The following PREX1 variants were observed in gnomAD, a reference collection of about 807,000 sequenced individuals.
The protein encoded by PREX1 is phosphatidylinositol-3,4,5-trisphosphate dependent Rac exchange factor 1, also known as phosphatidylinositol 3,4,5-trisphosphate-dependent Rac exchanger 1 protein.
A neutral mutation model predicts 198.3 loss-of-function variants in PREX1; 41 were observed. The ratio of observed to expected loss-of-function variants is 0.21; its 90% CI spans 0.16 to 0.27. The LOEUF (loss-of-function observed/expected upper bound fraction) is 0.27. Among genes scored for constraint, PREX1 ranks in the 10% least tolerant of loss-of-function variants. The pLI, the probability that PREX1 is intolerant of heterozygous loss-of-function variation, is 1.00. For synonymous variants in PREX1, 843 were observed against 887.2 expected (o/e 0.95, Z 0.89); for missense variants, 1,620 against 2,200.7 (o/e 0.74, Z 5.28).
chr20:48,653,306 A>G (rs2089515081), intron 20 of PREX1, 55 bp downstream of exon 20: 1 of 1,591,138 alleles, frequency 6.3e-7, no homozygotes, highest in South Asian at 1.1e-5. Flanking sequence ...GCCCTCAGCC[A>G]CCCACCCCCA....
At chr20:48,720,769 C>T (rs1462538504) in intron 5 of PREX1, among the ~76,000 whole-genome samples, 2 of 151,892 alleles carry the variant, frequency 1.3e-5, no homozygotes, top group Non-Finnish European at 2.9e-5. Context: ...CTCAGTCCAT[C>T]CCAGGAGCGC....
intron 11 of PREX1, among the ~76,000 whole-genome samples, chr20:48,679,975 CCTG>C (rs2089738309): frequency 6.6e-6 from 1 of 152,198 alleles, no homozygotes; most frequent in South Asian, 2.1e-4. Context: ...ACCCCATCCT[CCTG>C]CTACGTGCAG....
intron 1 of PREX1, among the ~76,000 whole-genome samples, chr20:48,814,638 C>T (rs1002966439): frequency 6.6e-6 from 1 of 152,178 alleles, no homozygotes. Context: ...AGCTGGATCA[C>T]ATAATACCTT....
chr20:48,836,493 G>A, the PREX1 span, among the ~76,000 whole-genome samples: 1 of 152,182 alleles, frequency 6.6e-6, no homozygotes, highest in African/African-American at 2.4e-5. Flanking sequence ...GGACTCTCCT[G>A]TGATCTCATT....
At chr20:48,769,253 C>A (rs373949999) in intron 1 of PREX1, among the ~76,000 whole-genome samples, 31 of 152,042 alleles carry the variant, frequency 2.0e-4, no homozygotes, top group African/African-American at 7.2e-4. Context: ...GGTTCTGAAG[C>A]AAAGAGGCTG....
chr20:48,708,383 G>A lies in PREX1; in HGVS notation c.660C>T (p.His220=), dbSNP rs768576682. The A allele has an allele frequency of 2.5e-6, 4 of 1,614,192 alleles. No individual in the cohort carries two copies. Among genetic ancestry groups the A allele is most frequent in the Non-Finnish European group, 3.4e-6 (4 of 1,180,044 alleles). The change falls in exon 6 of 40, where the codon CAC becomes CAT. Residue 220 remains histidine, a synonymous_variant. Coordinates refer to ENST00000371941, the MANE Select transcript of PREX1 (RefSeq NM_020820.4). Reference sequence around the variant, plus strand: ...CCTGCAGGGCACTCTGGACCGCGGGGTGGTCTGGGTGCTTGCCGGGAGTCC... The same window carrying A: ...CCTGCAGGGCACTCTGGACCGCGGGATGGTCTGGGTGCTTGCCGGGAGTCC... ...AKRTPGKHPD[H]PAVQSALQAM...
intron 1 of PREX1, among the ~76,000 whole-genome samples, chr20:48,773,256 G>A (rs1601127025): frequency 9.3e-6 from 1 of 107,584 alleles, no homozygotes; most frequent in East Asian, 2.9e-4. Flanking sequence ...GATAGAGTGA[G>A]ACTTGGTCTC....
intron 5 of PREX1, among the ~76,000 whole-genome samples, chr20:48,711,872 T>A (rs1340037320): frequency 6.6e-6 from 1 of 152,164 alleles, no homozygotes; most frequent in Non-Finnish European, 1.5e-5. Flanking sequence ...GTTTCCCTTC[T>A]CCTTTCCCTC....
Position 48,652,708 on chromosome 20 carries a change from T to C in PREX1, c.2347-2A>G. 6.2e-7 allele frequency: 1 copy of C among 1,610,870 alleles called. No homozygotes were observed. The highest frequency in any genetic ancestry group is 8.5e-7 in the Non-Finnish European group (1 of 1,178,250). On this transcript the variant is annotated splice_acceptor_variant, in intron 20 of 39. Transcript: ENST00000371941. LOFTEE classifies it high-confidence loss of function. ...GTGGTAGATCCACTGGTACAGGCCC[T>C]GCCAGAAGCCAGAGTAAGGGGACAG...
chr20:48,851,323 A>G, the PREX1 span, among the ~76,000 whole-genome samples: 2 of 152,148 alleles, frequency 1.3e-5, no homozygotes, highest in South Asian at 2.1e-4. Flanking sequence ...CCTGGCCAAC[A>G]TGGTGAAACC....
the PREX1 span, among the ~76,000 whole-genome samples, chr20:48,874,474 G>A: frequency 6.6e-6 from 1 of 151,696 alleles, no homozygotes; most frequent in Non-Finnish European, 1.5e-5. Flanking sequence ...GACTAGCGTT[G>A]TGGCGGGAGT....
chr20:48,871,755 T>C, the PREX1 span, among the ~76,000 whole-genome samples: 1 of 121,856 alleles, frequency 8.2e-6, no homozygotes, highest in Non-Finnish European at 1.7e-5. Flanking sequence ...AATAATAGTC[T>C]ATATTGTGAA....
At position 48,747,936 on chromosome 20, in the gene PREX1, C is replaced by T. The variant is rs780103547; in HGVS notation, c.220-56G>A. On this transcript the variant is annotated intron_variant, in intron 1 of 39. Coordinates refer to ENST00000371941, the MANE Select transcript of PREX1 (RefSeq NM_020820.4). The stretch of plus-strand genomic sequence containing the variant: ...TCCGCGTCTCCAGCTCTCCCATGGA[C>T]GGCCCTACAGAAGGCTCTCAAGTTC... 2.5e-5 allele frequency: 38 copies of T among 1,501,752 alleles called. 1 individual carries two copies. The highest frequency in any genetic ancestry group is 2.6e-5 in the Non-Finnish European group (28 of 1,092,340). The allele number at this position is 1,501,752 out of a possible 1,614,324, so 93.0% of individuals were successfully genotyped here. A position where few individuals can be genotyped will look rare whatever the true frequency, so the allele number is the denominator to read the frequency against.
At chr20:48,847,748 G>C in the PREX1 span, among the ~76,000 whole-genome samples, 1 of 152,024 alleles carries the variant, frequency 6.6e-6, no homozygotes, top group African/African-American at 2.4e-5. Flanking sequence ...CCTTCCAATC[G>C]AGATCTAGAA....
the PREX1 span, among the ~76,000 whole-genome samples, chr20:48,834,028 C>T: frequency 4.6e-5 from 7 of 151,894 alleles, no homozygotes; most frequent in East Asian, 1.2e-3. Context: ...TTGCAGTGAG[C>T]CAGTGAGCCG....
At chr20:48,703,498 T>C (rs1209877248) in intron 6 of PREX1, among the ~76,000 whole-genome samples, 2 of 152,068 alleles carry the variant, frequency 1.3e-5, no homozygotes, top group Non-Finnish European at 2.9e-5. Context: ...TCCCTGGGGC[T>C]TCATCATGGC....
At chr20:48,745,582 A>C (rs1001057806) in intron 2 of PREX1, among the ~76,000 whole-genome samples, 1 of 152,254 alleles carries the variant, frequency 6.6e-6, no homozygotes, top group Non-Finnish European at 1.5e-5. Context: ...TGAAATTACA[A>C]GTATATTTCC....
intron 18 of PREX1, 64 bp from the exon 19 acceptor site, chr20:48,655,439 C>T: frequency 7.6e-7 from 1 of 1,322,384 alleles, no homozygotes; most frequent in East Asian, 2.8e-5. Context: ...TCTCAATAAC[C>T]CCGGTGCCAA....
intron 6 of PREX1, among the ~76,000 whole-genome samples, chr20:48,705,377 G>A (rs1184687181): frequency 6.6e-6 from 1 of 152,212 alleles, no homozygotes; most frequent in Non-Finnish European, 1.5e-5. Flanking sequence ...ACATATGGGA[G>A]ATCAAATTCA....
Sources: allele counts gnomAD v4.1 joint callset (sites outside exome capture counted in the v4.1 genomes callset), GRCh38; gene constraint gnomAD v4.1.1; transcripts MANE v1.5; gene names NCBI Gene and HGNC (gene_info 2026-07-23, HGNC 2026-07-21).